The following BOC variants were observed in gnomAD, a reference collection of about 807,000 sequenced individuals.
BOC encodes BOC cell adhesion associated, oncogene regulated.
A neutral mutation model predicts 112.0 loss-of-function variants in BOC; 76 were observed. The ratio of observed to expected loss-of-function variants is 0.68; its 90% CI spans 0.56 to 0.82. The LOEUF (loss-of-function observed/expected upper bound fraction) is 0.82. BOC is among the 40% of genes least tolerant of loss of function. The pLI, the probability that BOC is intolerant of heterozygous loss-of-function variation, is 0.00. For synonymous variants in BOC, 580 were observed against 599.8 expected (o/e 0.97, Z 0.48); for missense variants, 1,309 against 1,511.7 (o/e 0.87, Z 2.22).
Position 113,249,999 on chromosome 3 carries a change from A to G in BOC, c.97+100A>G. 4.0e-6 allele frequency: 4 copies of G among 1,003,908 alleles called. No homozygotes were observed. In the South Asian group the frequency reaches 4.3e-5, roughly 11 times the overall value. The allele number at this position is 1,003,908 out of a possible 1,614,324, so 62.2% of individuals were successfully genotyped here. A position where few individuals can be genotyped will look rare whatever the true frequency, so the allele number is the denominator to read the frequency against. ...AAAGGCCTTCTTTACCTGGATTTCA[A>G]AGAACACTTTATTCCCATTGGCCTT... On this transcript the variant is annotated intron_variant, in intron 3 of 19. Transcript: ENST00000682979.
chr3:113,270,118 G>A (rs1310324598), intron 5 of BOC: 2 of 152,298 alleles, frequency 1.3e-5, no homozygotes, highest in Non-Finnish European at 2.9e-5. Context: ...GCATTCATGG[G>A]GAGGACAGTG....
At chr3:113,218,598 C>T (rs914484147) in intron 2 of BOC, among the ~76,000 whole-genome samples, 2 of 152,240 alleles carry the variant, frequency 1.3e-5, no homozygotes, top group African/African-American at 4.8e-5. Flanking sequence ...CTGTTTACCT[C>T]TGTCATTATG....
chr3:113,286,944 G>C lies in BOC; in HGVS notation c.*82G>C. The C allele has an allele frequency of 1.5e-6, 2 of 1,307,298 alleles. No homozygotes were observed. The highest frequency in any genetic ancestry group is 2.1e-6 in the Non-Finnish European group (2 of 961,644). 81.0% of individuals were successfully genotyped at this position (1,307,298 alleles called of 1,614,324 possible). A position where few individuals can be genotyped will look rare whatever the true frequency, so the allele number is the denominator to read the frequency against. ...AAGAAAAAAGAGACAGAGAAAATTG[G>C]TATTTATTTTTCTATTATAGCCATA... is the stretch of plus-strand genomic sequence containing the variant. On this transcript the variant is annotated 3_prime_UTR_variant, in exon 20 of 20. Transcript: ENST00000682979.
chr3:113,274,355 G>GCTTC lies in BOC; in HGVS notation c.1235-17_1235-14dup, dbSNP rs1482527759. The GCTTC allele has an allele frequency of 2.0e-6, 3 of 1,489,782 alleles. No homozygotes were observed. In the African/African-American group the frequency reaches 4.2e-5, roughly 21 times the overall value. The allele number at this position is 1,489,782 out of a possible 1,614,324, so 92.3% of individuals were successfully genotyped here. A position where few individuals can be genotyped will look rare whatever the true frequency, so the allele number is the denominator to read the frequency against. Reference sequence around the variant, plus strand: ...AACCAGGAGACTAACCTTTCCTTCTGCTTCCTGTTGGTCCTCCAGGCATAA... The same window carrying GCTTC: ...AACCAGGAGACTAACCTTTCCTTCTGCTTCCTTCCTGTTGGTCCTCCAGGCATAA... On this transcript the variant is annotated intron_variant, in intron 8 of 19. Coordinates refer to ENST00000682979, the MANE Select transcript of BOC (RefSeq NM_001378074.1). This position sits in a 1 kb window ranked among gnomAD's most constrained non-coding sequence, Gnocchi z 4.8.
chr3:113,214,141 G>T (rs570197194), intron 1 of BOC, among the ~76,000 whole-genome samples: 1 of 152,318 alleles, frequency 6.6e-6, no homozygotes, highest in Admixed American at 6.5e-5. Flanking sequence ...TGGAGAGGGA[G>T]GGTGTGGGGA....
intron 4 of BOC, among the ~76,000 whole-genome samples, chr3:113,258,512 G>C (rs550519946): frequency 1.3e-5 from 2 of 152,228 alleles, no homozygotes; most frequent in Non-Finnish European, 2.9e-5. Context: ...CAGTTAGCCA[G>C]TGACTCCCTG....
intron 4 of BOC, chr3:113,251,045 T>C (rs1284236702): frequency 6.3e-6 from 4 of 634,210 alleles, no homozygotes; most frequent in African/African-American, 5.5e-5. Context: ...GTAGAGGCTG[T>C]ATCTGGAGTG....
rs569755312 is a variant in BOC at position 113,276,072 on chromosome 3, A to T, written c.1542+1390A>T. Among the ~76,000 whole-genome samples the T allele has an allele frequency of 2.6e-5, 4 of 152,346 alleles. No homozygotes were observed. The South Asian group carries it at 8.3e-4, about 32-fold the overall frequency. ...CAGCATTGTTCACATGTTGTAGGGC[A>T]GGGCTGGTCCTAATCCTATTTCCCC... On this transcript the variant is annotated intron_variant, in intron 9 of 19. Coordinates refer to ENST00000682979, the MANE Select transcript of BOC (RefSeq NM_001378074.1).
At chr3:113,270,067 G>C (rs1431877504) in intron 5 of BOC, 1 of 152,312 alleles carries the variant, frequency 6.6e-6, no homozygotes, top group Non-Finnish European at 1.5e-5. Flanking sequence ...GGAGCAGACA[G>C]AGCCTAACAG....
At chr3:113,255,460 ATTGT>A (rs1483668623) in intron 4 of BOC, among the ~76,000 whole-genome samples, 1 of 152,178 alleles carries the variant, frequency 6.6e-6, no homozygotes, top group Non-Finnish European at 1.5e-5. Flanking sequence ...ACCATTAATA[ATTGT>A]TTATTTTTAA....
In BOC at chr3:113,211,988, G is replaced by C. The variant is rs952299224; in HGVS notation, c.-198G>C. 2.6e-5 allele frequency: 4 copies of C among 152,524 alleles called. No individual in the cohort carries two copies. Among genetic ancestry groups the C allele is most frequent in the Admixed American group, 2.0e-4 (3 of 15,286 alleles). The allele number at this position is 152,524 out of a possible 1,614,324, so 9.4% of individuals were successfully genotyped here. A position where few individuals can be genotyped will look rare whatever the true frequency, so the allele number is the denominator to read the frequency against. Reference sequence around the variant, plus strand: ...CACGCTGGCCCCCGGGCCCCGGCTCGCCCTTCCCAGGCGCCGGCTGCAGCA... The same window carrying C: ...CACGCTGGCCCCCGGGCCCCGGCTCCCCCTTCCCAGGCGCCGGCTGCAGCA... On this transcript the variant is annotated 5_prime_UTR_variant, in exon 1 of 20. Transcript: ENST00000682979.
Position 113,278,871 on chromosome 3 carries a change from C to T in BOC, c.1816+88C>T. ...CCCATGGCTGAATGGGGTCTTGCTT[C>T]TGTAGGTCCAGGGTTTTTATGACAT... On this transcript the variant is annotated intron_variant, in intron 11 of 19. Coordinates refer to ENST00000682979, the MANE Select transcript of BOC (RefSeq NM_001378074.1). This position sits in a 1 kb window ranked among gnomAD's most constrained non-coding sequence, Gnocchi z 4.2. The T allele has an allele frequency of 8.7e-7, 1 of 1,151,498 alleles. No individual in the cohort carries two copies. The allele number at this position is 1,151,498 out of a possible 1,614,324, so 71.3% of individuals were successfully genotyped here.
Position 113,270,792 on chromosome 3 carries a change from T to C in BOC, c.524-9T>C, listed in dbSNP as rs370429617. 6.7e-5 allele frequency: 108 copies of C among 1,604,234 alleles called. No homozygotes were observed. In the African/African-American group the frequency reaches 1.3e-3, roughly 19 times the overall value. ...ATCCCATCTTCCCCTGGCCCTGCCC[T>C]TTCCACAGGTAACTACCTGATCATG... On this transcript the variant is annotated splice_polypyrimidine_tract_variant and intron_variant, in intron 5 of 19. Transcript: ENST00000682979.
intron 2 of BOC, among the ~76,000 whole-genome samples, chr3:113,229,434 A>T (rs1041280456): frequency 1.3e-5 from 2 of 152,172 alleles, no homozygotes; most frequent in African/African-American, 2.4e-5. Flanking sequence ...CCTTAGGGCC[A>T]TCCTATCCCT....
intron 4 of BOC, among the ~76,000 whole-genome samples, chr3:113,260,906 C>T (rs71319363): frequency 2.0e-5 from 3 of 151,940 alleles, no homozygotes; most frequent in African/African-American, 4.8e-5. Flanking sequence ...CCAAAACCAT[C>T]CCCCCCAGTC....
At chr3:113,224,101 C>A (rs1199904483) in intron 2 of BOC, among the ~76,000 whole-genome samples, 1 of 152,198 alleles carries the variant, frequency 6.6e-6, no homozygotes. Flanking sequence ...TTTGGAGCTG[C>A]GGATAGCGGT....
At chr3:113,228,517 C>G (rs1032619135) in intron 2 of BOC, among the ~76,000 whole-genome samples, 1 of 152,184 alleles carries the variant, frequency 6.6e-6, no homozygotes, top group Non-Finnish European at 1.5e-5. Context: ...CATCTCCAGA[C>G]CCTTTTTCTG....
chr3:113,285,324 G>A, intron 18 of BOC, 48 bp from the exon 19 acceptor site: 1 of 1,584,816 alleles, frequency 6.3e-7, no homozygotes, highest in Non-Finnish European at 8.6e-7. Flanking sequence ...GGGGCGACAG[G>A]CCCACCCTGC....
intron 7 of BOC, 108 bp from the exon 8 acceptor site, chr3:113,272,961 C>A: frequency 7.1e-7 from 1 of 1,406,308 alleles, no homozygotes; most frequent in Non-Finnish European, 9.7e-7. Context: ...TAGGAAAAAG[C>A]AACAGCCAAA....
Sources: allele counts gnomAD v4.1 joint callset (sites outside exome capture counted in the v4.1 genomes callset), GRCh38; gene constraint gnomAD v4.1.1; non-coding constraint Gnocchi (gnomAD v3.1); transcripts MANE v1.5; gene names NCBI Gene and HGNC (gene_info 2026-07-23, HGNC 2026-07-21).